The following ALDH5A1 variants were observed in gnomAD, a reference collection of about 807,000 sequenced individuals.
The protein encoded by ALDH5A1 is aldehyde dehydrogenase 5 family member A1.
A neutral mutation model predicts 54.7 loss-of-function variants in ALDH5A1; 33 were observed. The ratio of observed to expected loss-of-function variants is 0.60; its 90% CI spans 0.46 to 0.81. The LOEUF (loss-of-function observed/expected upper bound fraction) is 0.81. ALDH5A1 is among the 30% of genes least tolerant of loss of function. ALDH5A1 has a pLI of 0.00. For missense variants in ALDH5A1, 657 were observed against 711.0 expected (o/e 0.92, Z 0.86); for synonymous variants, 294 against 292.7 (o/e 1.00, Z -0.05).
intron 4 of ALDH5A1, among the ~76,000 whole-genome samples, chr6:24,506,285 G>A (rs9467205): frequency 0.62 from 70,076 of 113,480 alleles, 21,328 homozygotes; most frequent in Middle Eastern, 0.74. Context: ...AGACAGTCTC[G>A]CTCTGTCACC....
intron 8 of ALDH5A1, among the ~76,000 whole-genome samples, chr6:24,529,569 A>G (rs1444405703): frequency 2.0e-5 from 3 of 149,822 alleles, no homozygotes; most frequent in Admixed American, 1.3e-4. Context: ...ATTTCTCTTG[A>G]TCTTTGATGT....
chr6:24,524,265 G>A (rs187995040), intron 7 of ALDH5A1, among the ~76,000 whole-genome samples: 5 of 152,120 alleles, frequency 3.3e-5, no homozygotes, highest in Admixed American at 6.5e-5. Flanking sequence ...GATTACAGGC[G>A]TGAGCCACCA....
intron 8 of ALDH5A1, among the ~76,000 whole-genome samples, chr6:24,529,806 G>A (rs1759894457): frequency 1.3e-5 from 2 of 151,072 alleles, no homozygotes; most frequent in African/African-American, 4.9e-5. Flanking sequence ...TGAGTAGCTG[G>A]GATTACAGGC....
chr6:24,501,949 A>ATGTG (rs138418659), intron 1 of ALDH5A1, among the ~76,000 whole-genome samples: 55 of 150,164 alleles, frequency 3.7e-4, no homozygotes, highest in African/African-American at 1.3e-3. Context: ...GTATATATAT[A>ATGTG]TGTGTATGTG....
At chr6:24,499,518 G>T (rs62400494) in intron 1 of ALDH5A1, among the ~76,000 whole-genome samples, 46,166 of 151,046 alleles carry the variant, frequency 0.31, 8,593 homozygotes, top group Non-Finnish European at 0.42. Flanking sequence ...CTGAGACAGG[G>T]TCTTGCTCCA....
chr6:24,495,412 G>T, intron 1 of ALDH5A1, 62 bp downstream of exon 1: 2 of 1,477,648 alleles, frequency 1.4e-6, no homozygotes, highest in South Asian at 1.2e-5. Flanking sequence ...AGCAGAGGGG[G>T]CTTTACCCCA....
intron 6 of ALDH5A1, 162 bp from the exon 7 acceptor site, chr6:24,522,605 A>G: frequency 5.2e-6 from 4 of 761,910 alleles, no homozygotes; most frequent in South Asian, 3.1e-5. Context: ...CAGTGCTTTT[A>G]TCTTTGGGGC....
rs1470894211 is a variant in ALDH5A1, at chr6:24,495,151, C to A, written c.155C>A (p.Ala52Glu). The change falls in exon 1 of 10, where the codon GCG becomes GAG. Residue 52 changes from alanine (A) to glutamate (E), a missense_variant. Ala to Glu is a moderately radical substitution (Grantham distance 107). Around this residue, in one of 2 missense-constraint regions of ALDH5A1, gnomAD observed 232 missense variants for 194.6 expected, o/e 1.19. Coordinates refer to ENST00000357578, the MANE Select transcript of ALDH5A1 (RefSeq NM_001080.3). Reference protein sequence around the residue: ...AQLRCYAGRLAGLSAALLRTD... With the variant: ...AQLRCYAGRLEGLSAALLRTD... ...CTCCGCTGCTACGCTGGGCGCCTGG[C>A]GGGCCTCTCTGCGGCGCTGCTGCGC... The A allele has an allele frequency of 4.2e-6, 6 of 1,429,708 alleles. No homozygotes were observed. Among genetic ancestry groups the A allele is most frequent in the South Asian group, 1.4e-5 (1 of 69,460 alleles). The allele number at this position is 1,429,708 out of a possible 1,614,324, so 88.6% of individuals were successfully genotyped here. A position where few individuals can be genotyped will look rare whatever the true frequency, so the allele number is the denominator to read the frequency against.
chr6:24,495,458 C>T (rs903258488), intron 1 of ALDH5A1, 108 bp downstream of exon 1: 6 of 1,095,886 alleles, frequency 5.5e-6, no homozygotes, highest in Non-Finnish European at 7.8e-6. Context: ...CTCCTGTGCT[C>T]AGTTCCCCAG....
At chr6:24,504,629 TCTAA>T (rs752414747) in intron 3 of ALDH5A1, among the ~76,000 whole-genome samples, 1 of 152,338 alleles carries the variant, frequency 6.6e-6, no homozygotes, top group Admixed American at 6.5e-5. Context: ...TGACCCCTGG[TCTAA>T]CTAATTTTTT....
intron 7 of ALDH5A1, among the ~76,000 whole-genome samples, chr6:24,526,902 TAC>T (rs1491501144): frequency 4.7e-4 from 35 of 73,866 alleles, no homozygotes; most frequent in Non-Finnish European, 8.5e-4. Context: ...TATATATATC[TAC>T]TATATATATA....
chr6:24,531,193 G>A (rs765315661), intron 8 of ALDH5A1, among the ~76,000 whole-genome samples: 1 of 152,168 alleles, frequency 6.6e-6, no homozygotes, highest in East Asian at 1.9e-4. Flanking sequence ...TACTTCACTG[G>A]CCTTGTTACA....
At chr6:24,516,440 C>CG (rs1554137278) in intron 5 of ALDH5A1, among the ~76,000 whole-genome samples, 3 of 70,172 alleles carry the variant, frequency 4.3e-5, no homozygotes, top group Non-Finnish European at 2.6e-5. Context: ...GACTCTGTCT[C>CG]AAAAAAAAAA....
Position 24,528,069 on chromosome 6 carries a change from G to A in ALDH5A1, c.1246G>A (p.Gly416Arg). The A allele has an allele frequency of 6.2e-7, 1 of 1,614,118 alleles. No homozygotes were observed. The highest frequency in any genetic ancestry group is 8.5e-7 in the Non-Finnish European group (1 of 1,180,000). The change falls in exon 8 of 10, where the codon GGA becomes AGA. Residue 416 changes from glycine (G) to arginine (R), a missense_variant. Coordinates refer to ENST00000357578, the MANE Select transcript of ALDH5A1 (RefSeq NM_001080.3). ...GACAGGTGGAAAACGACACCAACTTGGAAAAAATTTCTTTGAGCCTACCCT... is the reference window on the plus strand; with the variant it reads ...GACAGGTGGAAAACGACACCAACTTAGAAAAAATTTCTTTGAGCCTACCCT... ...VVTGGKRHQLGKNFFEPTLLC... is the reference protein window; with the variant it reads ...VVTGGKRHQLRKNFFEPTLLC...
intron 1 of ALDH5A1, among the ~76,000 whole-genome samples, chr6:24,501,348 A>G (rs1251718366): frequency 2.0e-5 from 3 of 152,246 alleles, no homozygotes; most frequent in Non-Finnish European, 4.4e-5. Context: ...TCCTCTAGAA[A>G]TAGGTTAAAC....
In ALDH5A1 at chr6:24,495,275, C is replaced by CGG; in HGVS notation, c.282_283dup (p.Val95GlyfsTer37). The CGG allele has an allele frequency of 6.5e-7, 1 of 1,532,606 alleles. No individual in the cohort carries two copies. The highest frequency in any genetic ancestry group is 8.7e-7 in the Non-Finnish European group (1 of 1,146,176). The allele number at this position is 1,532,606 out of a possible 1,614,324, so 94.9% of individuals were successfully genotyped here. A position where few individuals can be genotyped will look rare whatever the true frequency, so the allele number is the denominator to read the frequency against. On this transcript the variant is annotated frameshift_variant, in exon 1 of 10. Coordinates refer to ENST00000357578, the MANE Select transcript of ALDH5A1 (RefSeq NM_001080.3). LOFTEE classifies it high-confidence loss of function. ...CCGCTCTGGGCATGGTAGCCGACTG[C>CGG]GGGGTGCGAGAGGCCCGCGCCGCCG...
chr6:24,501,897 G>A (rs1261469361), intron 1 of ALDH5A1, among the ~76,000 whole-genome samples: 3 of 143,554 alleles, frequency 2.1e-5, no homozygotes, highest in East Asian at 2.0e-4. Flanking sequence ...ATATATATAT[G>A]TGTGTGTGTG....
At chr6:24,527,539 T>C (rs1409242947) in intron 7 of ALDH5A1, among the ~76,000 whole-genome samples, 1 of 152,080 alleles carries the variant, frequency 6.6e-6, no homozygotes, top group Non-Finnish European at 1.5e-5. Context: ...GCCACTGCAC[T>C]CCAGCCTGGG....
In ALDH5A1 at chr6:24,495,023, C is replaced by A; in HGVS notation, c.27C>A (p.Ser9Arg). The A allele has an allele frequency of 7.5e-7, 1 of 1,341,428 alleles. No individual in the cohort carries two copies. The highest frequency in any genetic ancestry group is 9.5e-7 in the Non-Finnish European group (1 of 1,049,682). The allele number at this position is 1,341,428 out of a possible 1,614,324, so 83.1% of individuals were successfully genotyped here. A position where few individuals can be genotyped will look rare whatever the true frequency, so the allele number is the denominator to read the frequency against. ...TGGCGACCTGCATTTGGCTGCGGAG[C>A]TGTGGGGCCCGGCGCCTCGGGTCGA... is the stretch of plus-strand genomic sequence containing the variant. MATCIWLR[S>R]CGARRLGSTF... The change falls in exon 1 of 10, where the codon AGC (serine) becomes AGA (arginine). Residue 9 changes from serine (S) to arginine (R), a missense_variant. Transcript: ENST00000357578.
Sources: gnomAD v4.1 joint callset for allele counts (sites outside exome capture counted in the v4.1 genomes callset) on GRCh38, gnomAD v4.1.1 for gene constraint, gnomAD v4.1.1 regional missense constraint, MANE v1.5 for transcripts, NCBI Gene and HGNC (gene_info 2026-07-23, HGNC 2026-07-21) for gene names.